Variants in DLGAP2 observed in about 807,000 individuals in gnomAD.
The protein encoded by DLGAP2 is disks large-associated protein 2.
DLGAP2 carries 26 observed loss-of-function variants against 100.3 expected under a neutral mutation model. The ratio of observed to expected loss-of-function variants is 0.26; its 90% CI spans 0.19 to 0.36. The LOEUF (loss-of-function observed/expected upper bound fraction) is 0.36, where lower values mean the gene tolerates loss of function less well. Ranked by LOEUF, DLGAP2 falls within the 10% of genes least tolerant of loss-of-function variation. The pLI is 1.00. For synonymous variants in DLGAP2, 886 were observed against 630.1 expected (o/e 1.41, Z -6.08); for missense variants, 1,858 against 1,453.2 (o/e 1.28, Z -4.53).
chr8:941,023 T>C (rs776876703), intron 2 of DLGAP2, among the ~76,000 whole-genome samples: 2 of 152,122 alleles, frequency 1.3e-5, no homozygotes, highest in African/African-American at 4.8e-5. Context: ...GAATCACACA[T>C]AGTTAGCCTT....
At chr8:949,666 A>T (rs1335912022) in intron 2 of DLGAP2, among the ~76,000 whole-genome samples, 1 of 152,126 alleles carries the variant, frequency 6.6e-6, no homozygotes, top group Non-Finnish European at 1.5e-5. Context: ...TTTCTCCTAC[A>T]TGTCCTCGTT....
At chr8:884,473 T>C (rs1418037577) in intron 1 of DLGAP2, among the ~76,000 whole-genome samples, 3 of 152,170 alleles carry the variant, frequency 2.0e-5, no homozygotes, top group Admixed American at 2.0e-4. Context: ...TTTGCCCACT[T>C]TTCGATGTTT....
At chr8:777,284 T>C (rs1175614003) in intron 1 of DLGAP2, among the ~76,000 whole-genome samples, 1 of 150,954 alleles carries the variant, frequency 6.6e-6, no homozygotes. Context: ...AGCACACTGA[T>C]GGGTCTTGAC....
At chr8:897,297 AGT>A (rs1798161297) in intron 1 of DLGAP2, among the ~76,000 whole-genome samples, 1 of 152,000 alleles carries the variant, frequency 6.6e-6, no homozygotes, top group Admixed American at 6.5e-5. Context: ...TGTTTGCTCT[AGT>A]CTGGGTTTGC....
At position 927,556 on chromosome 8, in the gene DLGAP2, G is replaced by A. The variant is rs140425067; in HGVS notation, c.73+19590G>A. ...CCCAGAGAGGGCACTTAACGCCTCC[G>A]AGCCTCAGTGTCCTCATAGATCAGA... On this transcript the variant is annotated intron_variant, in intron 2 of 14. Transcript: ENST00000637795. Among the ~76,000 whole-genome samples the A allele has an allele frequency of 2.0e-4, 31 of 152,284 alleles. No individual in the cohort carries two copies. The East Asian group carries it at 4.3e-3, about 21-fold the overall frequency.
chr8:1,447,209 G>A (rs1480846962), intron 3 of DLGAP2, among the ~76,000 whole-genome samples: 1 of 152,198 alleles, frequency 6.6e-6, no homozygotes, highest in Non-Finnish European at 1.5e-5. Flanking sequence ...TGCCCATTCA[G>A]TATAATATTG....
At chr8:1,699,288 G>A (rs372592366) in intron 14 of DLGAP2, among the ~76,000 whole-genome samples, 9 of 152,016 alleles carry the variant, frequency 5.9e-5, no homozygotes, top group Non-Finnish European at 7.4e-5. Context: ...TGGCTAACAC[G>A]GTGAAACCCC....
chr8:1,142,733 G>C (rs1288735031), intron 2 of DLGAP2, among the ~76,000 whole-genome samples: 1 of 152,094 alleles, frequency 6.6e-6, no homozygotes, highest in African/African-American at 2.4e-5. Flanking sequence ...TGCATTATTG[G>C]AGTCAGGACA....
chr8:1,144,821 G>T (rs573116754), intron 2 of DLGAP2, among the ~76,000 whole-genome samples: 1 of 151,038 alleles, frequency 6.6e-6, no homozygotes, highest in South Asian at 2.1e-4. Context: ...CAACCAAACC[G>T]CAGACGGCCT....
At chr8:1,180,575 C>T (rs1359595225) in intron 2 of DLGAP2, among the ~76,000 whole-genome samples, 4 of 149,366 alleles carry the variant, frequency 2.7e-5, no homozygotes, top group Non-Finnish European at 6.0e-5. Context: ...ACATCGTGTG[C>T]AATGGCAGCA....
intron 3 of DLGAP2, among the ~76,000 whole-genome samples, chr8:1,377,173 C>G (rs973317404): frequency 7.9e-5 from 12 of 152,334 alleles, no homozygotes; most frequent in African/African-American, 2.9e-4. Context: ...CTACCTGGCC[C>G]CTCCAGGTCA....
chr8:1,270,505 A>G (rs571101362), intron 3 of DLGAP2, among the ~76,000 whole-genome samples: 5 of 152,338 alleles, frequency 3.3e-5, no homozygotes, highest in South Asian at 4.1e-4. Context: ...CTCAGGAGAA[A>G]TGCAGGCTCT....
intron 2 of DLGAP2, among the ~76,000 whole-genome samples, chr8:974,426 C>T (rs1005116963): frequency 6.6e-6 from 1 of 152,146 alleles, no homozygotes; most frequent in Non-Finnish European, 1.5e-5. Flanking sequence ...TAGATGACTT[C>T]ATCCAAAACA....
At chr8:932,012 G>T (rs1011051658) in intron 2 of DLGAP2, among the ~76,000 whole-genome samples, 1 of 152,146 alleles carries the variant, frequency 6.6e-6, no homozygotes, top group Non-Finnish European at 1.5e-5. Context: ...TTTATTTGAG[G>T]AATGTTCTGT....
intron 3 of DLGAP2, among the ~76,000 whole-genome samples, chr8:1,307,373 G>A (rs954589814): frequency 9.2e-5 from 14 of 152,196 alleles, no homozygotes; most frequent in Admixed American, 8.5e-4. Flanking sequence ...AAAAGAACAG[G>A]TGTTGGCAAG....
chr8:819,988 A>G (rs1297537213), intron 1 of DLGAP2, among the ~76,000 whole-genome samples: 2 of 152,374 alleles, frequency 1.3e-5, no homozygotes, highest in Non-Finnish European at 1.5e-5. Context: ...TTGTTCAATA[A>G]GATGTGTTAG....
intron 6 of DLGAP2, among the ~76,000 whole-genome samples, chr8:1,574,303 G>T (rs117399295): frequency 2.0e-5 from 3 of 152,228 alleles, no homozygotes; most frequent in African/African-American, 4.8e-5. Flanking sequence ...CACAGCACCG[G>T]CAATAATTGC....
intron 2 of DLGAP2, among the ~76,000 whole-genome samples, chr8:1,203,590 G>C (rs4735991): frequency 0.57 from 86,096 of 152,038 alleles, 26,774 homozygotes; most frequent in African/African-American, 0.83. Flanking sequence ...TTCCCTTTAA[G>C]TTTCAGCTTC....
chr8:874,211 T>A (rs1309378757), intron 1 of DLGAP2, among the ~76,000 whole-genome samples: 1 of 152,052 alleles, frequency 6.6e-6, no homozygotes, highest in African/African-American at 2.4e-5. Flanking sequence ...AGTTTCTGTT[T>A]TAATATTATT....
Sources: gnomAD v4.1 joint callset for allele counts (sites outside exome capture counted in the v4.1 genomes callset) on GRCh38, gnomAD v4.1.1 for gene constraint, MANE v1.5 for transcripts, NCBI Gene and HGNC (gene_info 2026-07-23, HGNC 2026-07-21) for gene names.